Variants in SYNE1 observed in about 807,000 individuals in gnomAD.
SYNE1 encodes nesprin-1.
SYNE1 carries 616 observed loss-of-function variants against 1,111.0 expected under a neutral mutation model. The observed-to-expected ratio is 0.55, with a 90% CI of 0.52 to 0.59. The LOEUF is 0.59. Ranked by LOEUF, SYNE1 falls within the 20% of genes least tolerant of loss-of-function variation. SYNE1 has a pLI of 0.00. For missense variants in SYNE1, 10,006 were observed against 10,417.0 expected (o/e 0.96, Z 1.72); for synonymous variants, 3,855 against 3,825.8 (o/e 1.01, Z -0.28).
intron 18 of SYNE1, 56 bp downstream of exon 18, chr6:152,465,202 G>C: frequency 6.4e-7 from 1 of 1,565,214 alleles, no homozygotes; most frequent in South Asian, 1.1e-5. Flanking sequence ...CGCTGTAAAA[G>C]TCTCTCATTT....
intron 91 of SYNE1, among the ~76,000 whole-genome samples, chr6:152,304,329 ATTATTTTATT>A (rs1281825288): frequency 6.6e-6 from 1 of 152,052 alleles, no homozygotes; most frequent in Non-Finnish European, 1.5e-5. Context: ...AATCTTTTTT[ATTATTTTATT>A]TTATTTTATT....
At chr6:152,233,730 T>C (rs1318453758) in intron 112 of SYNE1, 51 bp downstream of exon 112, 1 of 1,608,486 alleles carries the variant, frequency 6.2e-7, no homozygotes, top group African/African-American at 1.3e-5. Flanking sequence ...TATTTCTCCA[T>C]GTCAAATAGC....
chr6:152,222,361 C>CAAACTGTGGA (rs1274082119), intron 117 of SYNE1, among the ~76,000 whole-genome samples: 4 of 152,154 alleles, frequency 2.6e-5, no homozygotes, highest in African/African-American at 9.7e-5. Flanking sequence ...TGCTATCTGC[C>CAAACTGTGGA]AAACTGTGGA....
At chr6:152,179,523 A>G (rs2067339559) in intron 129 of SYNE1, 1 of 151,362 alleles carries the variant, frequency 6.6e-6, no homozygotes, top group Non-Finnish European at 1.5e-5. Flanking sequence ...AAAATAATAC[A>G]TATAAAGGGT....
intron 3 of SYNE1, among the ~76,000 whole-genome samples, chr6:152,587,662 A>G (rs6931271): frequency 0.036 from 5,536 of 152,160 alleles, 349 homozygotes; most frequent in African/African-American, 0.13. Context: ...TCCCCTTCCC[A>G]CATCCTCTCT....
intron 11 of SYNE1, 108 bp downstream of exon 11, chr6:152,498,633 TA>T: frequency 1.5e-6 from 1 of 657,456 alleles, no homozygotes; most frequent in South Asian, 2.7e-5. Context: ...ATTAAAGTAT[TA>T]AGAGAAATGT....
At chr6:152,307,808 G>C (rs951383152) in intron 91 of SYNE1, among the ~76,000 whole-genome samples, 6 of 151,954 alleles carry the variant, frequency 3.9e-5, no homozygotes, top group African/African-American at 1.4e-4. Flanking sequence ...ATATGTCAAA[G>C]AAGAAAATGT....
rs113270991 is a variant in SYNE1 at position 152,589,119 on chromosome 6, C to T, written c.67+39146G>A. ...ACGGGATTTTACCACATTGGCCAGG[C>T]TGGTCTCAAACTCCTGACCTCAGGT... On this transcript the variant is annotated intron_variant, in intron 3 of 145. Transcript: ENST00000367255. Among the ~76,000 whole-genome samples, 358 of 152,178 alleles carry T rather than the reference C, an allele frequency of 2.4e-3. 3 individuals are homozygous for T. The highest frequency in any genetic ancestry group is 8.3e-3 in the African/African-American group (345 of 41,546).
chr6:152,376,761 A>C lies in SYNE1; in HGVS notation c.9146+15T>G. ...GTATAAAAATATCTTGAACACCAAT[A>C]AGGTTCATGCTCACCAATTATACTC... On this transcript the variant is annotated intron_variant, in intron 57 of 145. Coordinates refer to ENST00000367255, the MANE Select transcript of SYNE1 (RefSeq NM_182961.4). 1 of 1,613,480 alleles carries C rather than the reference A, an allele frequency of 6.2e-7. No individual in the cohort carries two copies. The highest frequency in any genetic ancestry group is 8.5e-7 in the Non-Finnish European group (1 of 1,179,924).
chr6:152,354,433 A>G (rs2096798497), intron 67 of SYNE1, among the ~76,000 whole-genome samples: 1 of 152,246 alleles, frequency 6.6e-6, no homozygotes, highest in Admixed American at 6.5e-5. Context: ...GGGTATGGAA[A>G]GAAAATATAA....
At chr6:152,324,335 G>T (rs749860214) in intron 81 of SYNE1, among the ~76,000 whole-genome samples, 20 of 152,030 alleles carry the variant, frequency 1.3e-4, no homozygotes, top group Non-Finnish European at 2.8e-4. Flanking sequence ...GGGGGTGGAG[G>T]TTGCAGTGAG....
intron 142 of SYNE1, 42 bp downstream of exon 142, chr6:152,135,062 T>A (rs2056749688): frequency 1.1e-5 from 17 of 1,613,778 alleles, no homozygotes; most frequent in Non-Finnish European, 1.4e-5. Flanking sequence ...AATGCAACCC[T>A]GCTAAAAATA....
intron 103 of SYNE1, 26 bp downstream of exon 103, chr6:152,255,565 A>C: frequency 6.2e-7 from 1 of 1,613,426 alleles, no homozygotes; most frequent in Non-Finnish European, 8.5e-7. Flanking sequence ...TGTTATACAC[A>C]CACAGGCAGG....
intron 16 of SYNE1, among the ~76,000 whole-genome samples, chr6:152,467,739 G>T (rs1362679567): frequency 1.3e-5 from 2 of 152,126 alleles, no homozygotes; most frequent in African/African-American, 4.8e-5. Flanking sequence ...ACTCATTAAT[G>T]TATTTTTGAA....
At chr6:152,249,134 C>T (rs1256823322) in intron 105 of SYNE1, 27 bp downstream of exon 105, 3 of 1,446,120 alleles carry the variant, frequency 2.1e-6, no homozygotes, top group Non-Finnish European at 2.9e-6. Context: ...TGCATTTTCT[C>T]TTCTAGGAAA....
rs566872350 is a variant in SYNE1 at position 152,218,179 on chromosome 6, G to C, written c.22191+78C>G. The C allele has an allele frequency of 1.9e-4, 292 of 1,544,310 alleles. 1 individual carries two copies. In the African/African-American group the frequency reaches 3.8e-3, roughly 20 times the overall value. On this transcript the variant is annotated intron_variant, in intron 121 of 145. Transcript: ENST00000367255. ...GGCACTCCAGCTTGGGCGACAGAGT[G>C]AGACTCCATCTCAAAAAAAAAAAGA...
chr6:152,210,180 G>A (rs371806248), intron 124 of SYNE1, among the ~76,000 whole-genome samples: 6 of 152,166 alleles, frequency 3.9e-5, no homozygotes, highest in East Asian at 3.9e-4. Flanking sequence ...GCTCTAATCT[G>A]ATTTTTTTTT....
intron 4 of SYNE1, among the ~76,000 whole-genome samples, chr6:152,535,280 G>GT (rs2154362651): frequency 6.6e-6 from 1 of 152,304 alleles, no homozygotes; most frequent in East Asian, 1.9e-4. Flanking sequence ...CCAGTATGTG[G>GT]TACTTTGTTA....
chr6:152,301,845 C>T lies in SYNE1; in HGVS notation c.17541+24G>A, dbSNP rs1234024686. On this transcript the variant is annotated intron_variant, in intron 92 of 145. Coordinates refer to ENST00000367255, the MANE Select transcript of SYNE1 (RefSeq NM_182961.4). ...CCAGGCTCCAGTCAAAGAGCAAAGC[C>T]GCGGGGACCCACTGGATCCTTACCA... is the stretch of plus-strand genomic sequence containing the variant. 10 of 1,591,168 alleles carry T rather than the reference C, an allele frequency of 6.3e-6. No homozygotes were observed. The East Asian group carries it at 1.1e-4, about 18-fold the overall frequency.
Sources: allele counts gnomAD v4.1 joint callset (sites outside exome capture counted in the v4.1 genomes callset), GRCh38; gene constraint gnomAD v4.1.1; transcripts MANE v1.5; gene names NCBI Gene and HGNC (gene_info 2026-07-23, HGNC 2026-07-21).